The following TMEFF2 variants were observed in gnomAD, a reference collection of about 807,000 sequenced individuals.
TMEFF2 encodes transmembrane protein with EGF like and two follistatin like domains 2.
Under a neutral mutation model 53.8 loss-of-function variants are expected in TMEFF2, and 28 were observed. The ratio of observed to expected loss-of-function variants is 0.52; its 90% CI spans 0.39 to 0.71. The LOEUF is 0.71. Among genes scored for constraint, TMEFF2 ranks in the 30% least tolerant of loss-of-function variants. TMEFF2 has a pLI of 0.00. For missense variants in TMEFF2, 353 were observed against 455.2 expected (o/e 0.78, Z 2.04); for synonymous variants, 162 against 166.3 (o/e 0.97, Z 0.20).
rs546058857 is a variant in TMEFF2 at position 191,967,716 on chromosome 2, A to G, written c.746-11338T>C. Reference sequence around the variant, plus strand: ...CCCTGGATCCCCCTTCCTTCCCCTGATAACTGTCCTACAGTGGCCCACCTT... The same window carrying G: ...CCCTGGATCCCCCTTCCTTCCCCTGGTAACTGTCCTACAGTGGCCCACCTT... On this transcript the variant is annotated intron_variant, in intron 7 of 9. Transcript: ENST00000272771. Among the ~76,000 whole-genome samples, 7 of 152,184 alleles carry G rather than the reference A, an allele frequency of 4.6e-5. No individual in the cohort carries two copies. The East Asian group carries it at 1.4e-3, about 29-fold the overall frequency.
At chr2:192,145,003 G>A (rs1016633006) in intron 4 of TMEFF2, among the ~76,000 whole-genome samples, 19 of 151,938 alleles carry the variant, frequency 1.3e-4, no homozygotes, top group African/African-American at 4.6e-4. Context: ...AAACAAATAG[G>A]TATTTTATTC....
intron 4 of TMEFF2, among the ~76,000 whole-genome samples, chr2:192,097,522 C>T (rs1279011950): frequency 2.6e-5 from 4 of 152,158 alleles, no homozygotes; most frequent in Non-Finnish European, 5.9e-5. Context: ...CCTCAATGGA[C>T]CTACCATACA....
Position 192,127,682 on chromosome 2 carries a change from CTG to C in TMEFF2, c.439+51984_439+51985del, listed in dbSNP as rs1491320690. ...ATTGAGCAACAGTACAATTATGTAA[CTG>C]TTTGTTTTATGTTAACTGAAAGGCC... On this transcript the variant is annotated intron_variant, in intron 4 of 9. Transcript: ENST00000272771. Among the ~76,000 whole-genome samples the C allele has an allele frequency of 1.5e-3, 225 of 152,270 alleles. 1 individual carries two copies. Among genetic ancestry groups the C allele is most frequent in the East Asian group, 7.0e-3 (36 of 5,174 alleles).
chr2:192,124,866 T>G (rs1689639816), intron 4 of TMEFF2, among the ~76,000 whole-genome samples: 1 of 152,198 alleles, frequency 6.6e-6, no homozygotes, highest in Non-Finnish European at 1.5e-5. Flanking sequence ...TCATTGCTCC[T>G]CTACCATGTC....
At chr2:192,007,428 G>C (rs1686524761) in intron 5 of TMEFF2, among the ~76,000 whole-genome samples, 1 of 152,200 alleles carries the variant, frequency 6.6e-6, no homozygotes, top group African/African-American at 2.4e-5. Flanking sequence ...TAGGGAGGAG[G>C]AGGTGGAAAG....
In TMEFF2 at chr2:192,123,443, A is replaced by G. The variant is rs1341389820; in HGVS notation, c.439+56225T>C. On this transcript the variant is annotated intron_variant, in intron 4 of 9. Transcript: ENST00000272771. ...AATAACACTTAAATCTTTGAAGTTA[A>G]AAATATGATTTGTAATGTGTACATA... 2.6e-5 allele frequency among the ~76,000 whole-genome samples: 4 copies of G among 152,238 alleles called. No individual in the cohort carries two copies. The South Asian group carries it at 8.3e-4, about 31-fold the overall frequency.
At chr2:191,952,131 A>G (rs1031998633) in intron 9 of TMEFF2, among the ~76,000 whole-genome samples, 12 of 152,166 alleles carry the variant, frequency 7.9e-5, no homozygotes, top group Non-Finnish European at 1.8e-4. Context: ...AAGTGGAGAT[A>G]ATTGTTTCTT....
intron 7 of TMEFF2, among the ~76,000 whole-genome samples, chr2:191,974,177 G>A (rs1304396467): frequency 6.6e-6 from 1 of 152,106 alleles, no homozygotes; most frequent in African/African-American, 2.4e-5. Context: ...TGTAGAGTTA[G>A]AAGAAAAATG....
chr2:192,172,717 C>T lies in TMEFF2; in HGVS notation c.439+6951G>A, dbSNP rs568693530. On this transcript the variant is annotated intron_variant, in intron 4 of 9. Transcript: ENST00000272771. ...ACTTAGATAATTACATTGAGTAGAACAGATGATTTCAGAATCAAAAGTTAA... is the reference window on the plus strand; with the variant it reads ...ACTTAGATAATTACATTGAGTAGAATAGATGATTTCAGAATCAAAAGTTAA... Among the ~76,000 whole-genome samples the T allele has an allele frequency of 5.3e-5, 8 of 151,930 alleles. No individual in the cohort carries two copies. The South Asian group carries it at 1.5e-3, about 28-fold the overall frequency.
At chr2:191,964,394 CTTTCTCTT>C (rs1157081045) in intron 7 of TMEFF2, among the ~76,000 whole-genome samples, 8 of 62,086 alleles carry the variant, frequency 1.3e-4, no homozygotes, top group African/African-American at 3.1e-4. Flanking sequence ...TTCTTTCTTT[CTTTCTCTT>C]TCTTTCTTTC....
At chr2:192,001,433 A>G (rs1441070364) in intron 5 of TMEFF2, among the ~76,000 whole-genome samples, 1 of 152,112 alleles carries the variant, frequency 6.6e-6, no homozygotes, top group East Asian at 1.9e-4. Flanking sequence ...ACATTTCTAA[A>G]TGTTTCAGTG....
In TMEFF2 at chr2:192,090,502, G is replaced by A. The variant is rs552613938; in HGVS notation, c.440-32727C>T. Among the ~76,000 whole-genome samples the A allele has an allele frequency of 2.6e-5, 4 of 152,178 alleles. No individual in the cohort carries two copies. The South Asian group carries it at 8.3e-4, about 32-fold the overall frequency. ...ATCTATTATCATAATAAATTGCCAG[G>A]AGGACAATCAGTCAAAATGGCAGTT... On this transcript the variant is annotated intron_variant, in intron 4 of 9. Coordinates refer to ENST00000272771, the MANE Select transcript of TMEFF2 (RefSeq NM_016192.4).
intron 4 of TMEFF2, among the ~76,000 whole-genome samples, chr2:192,063,037 C>CT (rs1264887117): frequency 6.6e-6 from 1 of 150,566 alleles, no homozygotes; most frequent in African/African-American, 2.4e-5. Flanking sequence ...GGCTATTTCA[C>CT]TTTTTTTATT....
At chr2:192,063,855 G>A (rs1372984935) in intron 4 of TMEFF2, among the ~76,000 whole-genome samples, 1 of 151,436 alleles carries the variant, frequency 6.6e-6, no homozygotes, top group African/African-American at 2.4e-5. Flanking sequence ...ACTTTATTTT[G>A]ATATTCATAT....
chr2:192,185,545 C>T (rs893839089), intron 2 of TMEFF2, among the ~76,000 whole-genome samples: 1 of 151,910 alleles, frequency 6.6e-6, no homozygotes, highest in East Asian at 1.9e-4. Context: ...GTTCAGAATA[C>T]ATACAAAATA....
chr2:192,031,957 C>T (rs1394150893), intron 5 of TMEFF2: 1 of 152,156 alleles, frequency 6.6e-6, no homozygotes, highest in Non-Finnish European at 1.5e-5. Context: ...TCTCTAATGT[C>T]TGACTAAAGC....
chr2:192,009,652 T>C (rs1686580753), intron 5 of TMEFF2, among the ~76,000 whole-genome samples: 1 of 152,086 alleles, frequency 6.6e-6, no homozygotes, highest in African/African-American at 2.4e-5. Flanking sequence ...CATGCTATAA[T>C]AAATATCATA....
chr2:192,082,014 A>T (rs908500546), intron 4 of TMEFF2, among the ~76,000 whole-genome samples: 7 of 151,860 alleles, frequency 4.6e-5, no homozygotes, highest in Admixed American at 3.3e-4. Context: ...GTTAGCCAGG[A>T]TGGTCTTGAT....
intron 4 of TMEFF2, among the ~76,000 whole-genome samples, chr2:192,110,963 G>A (rs1689261477): frequency 6.6e-6 from 1 of 152,062 alleles, no homozygotes; most frequent in Non-Finnish European, 1.5e-5. Flanking sequence ...TCTCTCTCTT[G>A]CCTGCTGCGA....
Sources: allele counts gnomAD v4.1 joint callset (sites outside exome capture counted in the v4.1 genomes callset), GRCh38; gene constraint gnomAD v4.1.1; transcripts MANE v1.5; gene names NCBI Gene and HGNC (gene_info 2026-07-23, HGNC 2026-07-21).